Variants in KCNQ1 observed in about 807,000 individuals in gnomAD.
KCNQ1 encodes potassium voltage-gated channel subfamily KQT member 1.
In KCNQ1, 49 loss-of-function variants were observed where a neutral mutation model predicts 72.4. The ratio of observed to expected loss-of-function variants is 0.68; its 90% CI spans 0.54 to 0.86. The LOEUF is 0.86. Ranked by LOEUF, KCNQ1 falls within the 40% of genes least tolerant of loss-of-function variation. The probability of loss-of-function intolerance (pLI) is 0.00; values close to 1 mark genes in which losing one functional copy is unlikely to be tolerated. For synonymous variants in KCNQ1, 450 were observed against 412.6 expected (o/e 1.09, Z -1.10); for missense variants, 790 against 945.1 (o/e 0.84, Z 2.15).
Position 2,762,318 on chromosome 11 carries a change from T to G in KCNQ1, c.1515-6526T>G, listed in dbSNP as rs906965090. On this transcript the variant is annotated intron_variant, in intron 11 of 15. Coordinates refer to ENST00000155840, the MANE Select transcript of KCNQ1 (RefSeq NM_000218.3). This position sits in a 1 kb window ranked among gnomAD's most constrained non-coding sequence, Gnocchi z 4.3. ...CCAGGTCGTGAAAATATTATCCAAC[T>G]TTCTTCGACAGGCCCGATTGCCTCA... Among the ~76,000 whole-genome samples, 6 of 152,224 alleles carry G rather than the reference T, an allele frequency of 3.9e-5. No homozygotes were observed. Among genetic ancestry groups the G allele is most frequent in the African/African-American group, 1.4e-4 (6 of 41,460 alleles).
At position 2,818,140 on chromosome 11, in the gene KCNQ1, G is replaced by T. The variant is rs1251968930; in HGVS notation, c.1795-29627G>T. On this transcript the variant is annotated intron_variant, in intron 15 of 15. Coordinates refer to ENST00000155840, the MANE Select transcript of KCNQ1 (RefSeq NM_000218.3). The surrounding 1 kb of genome is among the most constrained non-coding windows in gnomAD (Gnocchi z 7.2). ...ACAACATCTAAACCCAGTGTCTGCT[G>T]GCCCTCAGAGTGGGAGCGCGTGCCC... 2.0e-5 allele frequency among the ~76,000 whole-genome samples: 3 copies of T among 152,166 alleles called. No homozygotes were observed. Among genetic ancestry groups the T allele is most frequent in the Non-Finnish European group, 4.4e-5 (3 of 68,020 alleles).
At chr11:2,655,898 C>T (rs1195354117) in intron 10 of KCNQ1, 3 of 398,594 alleles carry the variant, frequency 7.5e-6, no homozygotes, top group Non-Finnish European at 1.3e-5. Context: ...GTTATAGGGG[C>T]CCCATATGCC....
chr11:2,688,316 G>T (rs1564858639), intron 11 of KCNQ1: 1 of 398,768 alleles, frequency 2.5e-6, no homozygotes, highest in East Asian at 3.6e-5. Context: ...ATCTAAGCAC[G>T]TCACACACAC....
Position 2,759,624 on chromosome 11 carries a change from C to T in KCNQ1, c.1515-9220C>T, listed in dbSNP as rs985055601. On this transcript the variant is annotated intron_variant, in intron 11 of 15. Coordinates refer to ENST00000155840, the MANE Select transcript of KCNQ1 (RefSeq NM_000218.3). The surrounding 1 kb of genome is among the most constrained non-coding windows in gnomAD (Gnocchi z 4.4). Reference sequence around the variant, plus strand: ...AGCTCTTATTTCCTTATTTTCTTTCCATCTCCACTCCCAGGCAAAGCTGAT... The same window carrying T: ...AGCTCTTATTTCCTTATTTTCTTTCTATCTCCACTCCCAGGCAAAGCTGAT... Among the ~76,000 whole-genome samples, 19 of 152,226 alleles carry T rather than the reference C, an allele frequency of 1.2e-4. No individual in the cohort carries two copies. The highest frequency in any genetic ancestry group is 4.3e-4 in the African/African-American group (18 of 41,464).
intron 11 of KCNQ1, among the ~76,000 whole-genome samples, chr11:2,714,295 G>A (rs1001373014): frequency 5.3e-5 from 8 of 152,232 alleles, no homozygotes; most frequent in East Asian, 3.8e-4. Flanking sequence ...GAGCCGCAAG[G>A]TCAGCCCCCT....
chr11:2,805,883 C>T lies in KCNQ1; in HGVS notation c.1794+27846C>T, dbSNP rs373486354. Among the ~76,000 whole-genome samples the T allele has an allele frequency of 9.2e-5, 14 of 152,314 alleles. No homozygotes were observed. In the East Asian group the frequency reaches 2.7e-3, roughly 29 times the overall value. ...CCCCTTGACCTCATAATCCTCCTTC[C>T]AGGATTCTCTCCCTAAAGAACAAAT... On this transcript the variant is annotated intron_variant, in intron 15 of 15. Transcript: ENST00000155840.
chr11:2,574,332 C>G lies in KCNQ1; in HGVS notation c.921+1346C>G, dbSNP rs146552524. Among the ~76,000 whole-genome samples the G allele has an allele frequency of 4.5e-3, 683 of 152,284 alleles. 10 individuals are homozygous for G. The highest frequency in any genetic ancestry group is 0.015 in the African/African-American group (627 of 41,564). ...TGCCCCCGCGTCTGCCCTTGTCTAC[C>G]GACCTCCGGGCTCACTCAGTCCGAT... is the stretch of plus-strand genomic sequence containing the variant. On this transcript the variant is annotated intron_variant, in intron 6 of 15. Coordinates refer to ENST00000155840, the MANE Select transcript of KCNQ1 (RefSeq NM_000218.3).
intron 10 of KCNQ1, chr11:2,625,956 A>G (rs1229155082): frequency 2.5e-6 from 1 of 398,436 alleles, no homozygotes; most frequent in Non-Finnish European, 4.4e-6. Context: ...CTTATCAGGT[A>G]TGTGATTTGC....
chr11:2,804,852 G>T (rs574889342), intron 15 of KCNQ1, among the ~76,000 whole-genome samples: 6 of 152,310 alleles, frequency 3.9e-5, no homozygotes, highest in Admixed American at 2.0e-4. Context: ...TGTATGAGGA[G>T]ACTGAGGCAC....
At chr11:2,727,945 T>C (rs1341484409) in intron 11 of KCNQ1, among the ~76,000 whole-genome samples, 1 of 152,104 alleles carries the variant, frequency 6.6e-6, no homozygotes, top group African/African-American at 2.4e-5. Context: ...GTCAAAGCGC[T>C]TCATTTCCAT....
In KCNQ1 at chr11:2,546,631, A is replaced by AT. The variant is rs147625823; in HGVS notation, c.477+18617dup. ...TCTTTATTAGTTTTTTGTTTAATGT[A>AT]TTTTATTTTTTGCTTTTGTCATTTA... is the stretch of plus-strand genomic sequence containing the variant. On this transcript the variant is annotated intron_variant, in intron 2 of 15. Coordinates refer to ENST00000155840, the MANE Select transcript of KCNQ1 (RefSeq NM_000218.3). Among the ~76,000 whole-genome samples the AT allele has an allele frequency of 8.4e-4, 126 of 149,612 alleles. 1 individual carries two copies. Among genetic ancestry groups the AT allele is most frequent in the African/African-American group, 2.6e-3 (105 of 39,744 alleles).
chr11:2,664,091 A>T lies in KCNQ1; in HGVS notation c.1514+2010A>T. ...ATAAGTGGGCCCAGGCAGGTCAGAG[A>T]CTCCAGTCATTACCCAACCAGGTCC... On this transcript the variant is annotated intron_variant, in intron 11 of 15. Transcript: ENST00000155840. This position sits in a 1 kb window ranked among gnomAD's most constrained non-coding sequence, Gnocchi z 5.1. The T allele has an allele frequency of 2.5e-6, 1 of 398,166 alleles. No homozygotes were observed. The highest frequency in any genetic ancestry group is 4.4e-6 in the Non-Finnish European group (1 of 226,026). 24.7% of individuals were successfully genotyped at this position (398,166 alleles called of 1,614,324 possible). A position where few individuals can be genotyped will look rare whatever the true frequency, so the allele number is the denominator to read the frequency against.
intron 10 of KCNQ1, chr11:2,632,606 CATA>C (rs1849378839): frequency 5.0e-6 from 2 of 398,152 alleles, no homozygotes; most frequent in East Asian, 7.1e-5. Context: ...TATAATGTGT[CATA>C]ATCAAATCAG....
At chr11:2,756,923 A>C (rs1846308626) in intron 11 of KCNQ1, among the ~76,000 whole-genome samples, 1 of 137,710 alleles carries the variant, frequency 7.3e-6, no homozygotes, top group African/African-American at 2.7e-5. Context: ...TCTATTATGG[A>C]ACTTTCCCAA....
chr11:2,590,273 C>G (rs1253549166), intron 10 of KCNQ1, among the ~76,000 whole-genome samples: 1 of 152,328 alleles, frequency 6.6e-6, no homozygotes, highest in East Asian at 1.9e-4. Flanking sequence ...CATCTGTGGC[C>G]CTGCTCGCTG....
At chr11:2,688,516 G>T in intron 11 of KCNQ1, 1 of 398,700 alleles carries the variant, frequency 2.5e-6, no homozygotes, top group Non-Finnish European at 4.4e-6. Flanking sequence ...TGAGGTAGAG[G>T]TCACACAGCC....
rs1264996625 is a variant in KCNQ1, at chr11:2,445,128, C to G, written c.30C>G (p.Ala10=). 2.7e-6 allele frequency: 3 copies of G among 1,114,872 alleles called. No individual in the cohort carries two copies. Among genetic ancestry groups the G allele is most frequent in the Non-Finnish European group, 3.3e-6 (3 of 911,338 alleles). The allele number at this position is 1,114,872 out of a possible 1,614,324, so 69.1% of individuals were successfully genotyped here. MAAASSPPR[A]ERKRWGWGRL... ...CCGCGGCCTCCTCCCCGCCCAGGGC[C>G]GAGAGGAAGCGCTGGGGTTGGGGCC... The change falls in exon 1 of 16, where the codon GCC becomes GCG. Residue 10 remains alanine, a synonymous_variant. Coordinates refer to ENST00000155840, the MANE Select transcript of KCNQ1 (RefSeq NM_000218.3).
rs551348058 is a variant in KCNQ1, at chr11:2,512,863, G to C, written c.387-15065G>C. 1.6e-3 allele frequency among the ~76,000 whole-genome samples: 246 copies of C among 152,322 alleles called. 3 individuals carry two copies. Among genetic ancestry groups the C allele is most frequent in the South Asian group, 4.3e-3 (21 of 4,830 alleles). ...CGTGTCCTGCTCCCCAGGGCGGTCT[G>C]TCCCCTTGGCGAGATCCTTGCTGTG... On this transcript the variant is annotated intron_variant, in intron 1 of 15. Transcript: ENST00000155840.
At position 2,566,802 on chromosome 11, in the gene KCNQ1, T is replaced by C. The variant is rs1848254843; in HGVS notation, c.478-3826T>C. ...CCACATAGATCTTGTGAGAGGCGCT[T>C]TGTGGGGCTGGATGATCCTGGGTGC... On this transcript the variant is annotated intron_variant, in intron 2 of 15. Transcript: ENST00000155840. This position sits in a 1 kb window ranked among gnomAD's most constrained non-coding sequence, Gnocchi z 6.7. Among the ~76,000 whole-genome samples, 1 of 152,072 alleles carries C rather than the reference T, an allele frequency of 6.6e-6. No homozygotes were observed. Among genetic ancestry groups the C allele is most frequent in the South Asian group, 2.1e-4 (1 of 4,830 alleles).
Sources: gnomAD v4.1 joint callset for allele counts (sites outside exome capture counted in the v4.1 genomes callset) on GRCh38, gnomAD v4.1.1 for gene constraint, Gnocchi (gnomAD v3.1) non-coding constraint, MANE v1.5 for transcripts, NCBI Gene and HGNC (gene_info 2026-07-23, HGNC 2026-07-21) for gene names.